Variants in LRRC37A2 observed in about 807,000 individuals in gnomAD.
The protein encoded by LRRC37A2 is leucine-rich repeat-containing protein 37A2.
A neutral mutation model predicts 68.8 loss-of-function variants in LRRC37A2; 9 were observed. The observed-to-expected ratio is 0.13, with a 90% CI of 0.08 to 0.23. The LOEUF (loss-of-function observed/expected upper bound fraction) is 0.23. Ranked by LOEUF, LRRC37A2 falls within the 10% of genes least tolerant of loss-of-function variation. The pLI, the probability that LRRC37A2 is intolerant of heterozygous loss-of-function variation, is 1.00. For missense variants in LRRC37A2, 168 were observed against 950.4 expected, an observed-to-expected ratio of 0.18 and a Z score of 10.82; for synonymous variants, 63 against 367.6, an observed-to-expected ratio of 0.17 and a Z score of 9.48.
the LRRC37A2 span, among the ~76,000 whole-genome samples, chr17:46,947,958 CAG>C: frequency 6.6e-6 from 1 of 152,178 alleles, no homozygotes; most frequent in Non-Finnish European, 1.5e-5. Context: ...TTACTAGAGA[CAG>C]AGTTTCACCA....
At chr17:46,899,510 G>A in the LRRC37A2 span, among the ~76,000 whole-genome samples, 2 of 152,192 alleles carry the variant, frequency 1.3e-5, no homozygotes, top group African/African-American at 2.4e-5. Context: ...AAAGAAGCCA[G>A]ACACAAAACA....
the LRRC37A2 span, among the ~76,000 whole-genome samples, chr17:46,976,415 C>T: frequency 5.3e-5 from 8 of 151,798 alleles, no homozygotes; most frequent in South Asian, 4.2e-4. Context: ...GGCATGGTGG[C>T]GCGCGCCCAT....
the LRRC37A2 span, chr17:46,486,990 C>T: frequency 4.6e-6 from 3 of 645,354 alleles, no homozygotes; most frequent in Non-Finnish European, 6.8e-6. Flanking sequence ...TGAATATATT[C>T]TTAACTATTC....
chr17:46,979,308 A>C, the LRRC37A2 span: 7 of 219,456 alleles, frequency 3.2e-5, no homozygotes, highest in Admixed American at 5.9e-5. Flanking sequence ...TCCCCTAGCA[A>C]CGGCCCGGCC....
the LRRC37A2 span, among the ~76,000 whole-genome samples, chr17:46,492,136 G>A: frequency 6.6e-6 from 1 of 151,298 alleles, no homozygotes; most frequent in African/African-American, 2.5e-5. Context: ...GCTAATTTTT[G>A]GTATTTTCAG....
chr17:46,724,932 T>A, the LRRC37A2 span, among the ~76,000 whole-genome samples: 188 of 152,256 alleles, frequency 1.2e-3, 1 homozygote, highest in African/African-American at 4.4e-3. Context: ...ATCAGATATC[T>A]CCAACTTCTC....
At chr17:46,522,436 C>CTTGTTTGT (rs200442940) in intron 4 of LRRC37A2, among the ~76,000 whole-genome samples, 207 of 120,276 alleles carry the variant, frequency 1.7e-3, no homozygotes, top group Middle Eastern at 3.8e-3. Flanking sequence ...AAATGTGAGA[C>CTTGTTTGT]TTGTTTGTTT....
the LRRC37A2 span, among the ~76,000 whole-genome samples, chr17:46,809,500 C>T: frequency 1.3e-5 from 2 of 152,186 alleles, no homozygotes; most frequent in South Asian, 4.1e-4. Flanking sequence ...ACTCAGTCCT[C>T]GCAGTTTTTC....
the LRRC37A2 span, among the ~76,000 whole-genome samples, chr17:46,862,841 C>T: frequency 6.6e-6 from 1 of 152,202 alleles, no homozygotes; most frequent in African/African-American, 2.4e-5. Flanking sequence ...GCCTCGGCCT[C>T]CCAGAGTGCT....
chr17:47,014,618 T>G, the LRRC37A2 span, among the ~76,000 whole-genome samples: 1 of 147,866 alleles, frequency 6.8e-6, no homozygotes. Flanking sequence ...AGAGCAGAAC[T>G]GAGGATTGTA....
At chr17:46,486,851 G>A in the LRRC37A2 span, among the ~76,000 whole-genome samples, 1 of 60,376 alleles carries the variant, frequency 1.7e-5, no homozygotes, top group East Asian at 2.7e-4. Context: ...GTTTTTTGTT[G>A]TTCAATTTTG....
chr17:46,961,435 T>G, the LRRC37A2 span, among the ~76,000 whole-genome samples: 1 of 152,008 alleles, frequency 6.6e-6, no homozygotes, highest in Non-Finnish European at 1.5e-5. Context: ...TTTGGAAGGC[T>G]GAGGTGAGAG....
chr17:46,779,103 A>ACACACACACCCCC, the LRRC37A2 span, among the ~76,000 whole-genome samples: 12 of 133,664 alleles, frequency 9.0e-5, 1 homozygote, highest in Admixed American at 7.8e-4. Context: ...ACACACACAC[A>ACACACACACCCCC]CCCCAGCCCA....
intron 6 of LRRC37A2, among the ~76,000 whole-genome samples, chr17:46,535,195 C>T (rs1182674549): frequency 2.7e-5 from 4 of 149,458 alleles, no homozygotes; most frequent in Non-Finnish European, 4.4e-5. Flanking sequence ...ATGTCCAGCA[C>T]CTGCATTGTT....
At chr17:46,619,770 T>TA in the LRRC37A2 span, among the ~76,000 whole-genome samples, 11,172 of 20,744 alleles carry the variant, frequency 0.54, 3,091 homozygotes, top group South Asian at 0.73. Flanking sequence ...AGACTCCATC[T>TA]AAAAAAAAAA....
At chr17:46,905,780 T>TTG in the LRRC37A2 span, among the ~76,000 whole-genome samples, 3,543 of 116,982 alleles carry the variant, frequency 0.03, 61 homozygotes, top group Middle Eastern at 0.06. Flanking sequence ...CTCTGTGTGT[T>TTG]TGTGTGTGTG....
the LRRC37A2 span, among the ~76,000 whole-genome samples, chr17:46,849,357 G>C: frequency 6.6e-6 from 1 of 152,210 alleles, no homozygotes; most frequent in East Asian, 1.9e-4. Flanking sequence ...CCTTCTCCAT[G>C]CACAAGCATG....
the LRRC37A2 span, among the ~76,000 whole-genome samples, chr17:47,036,405 CTG>C: frequency 2.0e-5 from 3 of 151,946 alleles, no homozygotes; most frequent in African/African-American, 4.8e-5. Context: ...GAAGAAAAAA[CTG>C]TTGTCTAATT....
At chr17:46,813,146 G>A in the LRRC37A2 span, among the ~76,000 whole-genome samples, 3 of 151,958 alleles carry the variant, frequency 2.0e-5, no homozygotes, top group African/African-American at 7.3e-5. Flanking sequence ...AGAAAGAAAC[G>A]GGTGGACTGT....
Sources: gnomAD v4.1 joint callset for allele counts (sites outside exome capture counted in the v4.1 genomes callset) on GRCh38, gnomAD v4.1.1 for gene constraint, MANE v1.5 for transcripts, NCBI Gene and HGNC (gene_info 2026-07-23, HGNC 2026-07-21) for gene names.